Variants in PTPRD observed in about 807,000 individuals in gnomAD.
PTPRD encodes the protein receptor-type tyrosine-protein phosphatase delta.
PTPRD carries 34 observed loss-of-function variants against 214.5 expected under a neutral mutation model. That is an observed-to-expected ratio of 0.16 (90% CI 0.12 to 0.21). The LOEUF is 0.21. Ranked by LOEUF, PTPRD falls within the 10% of genes least tolerant of loss-of-function variation. The pLI is 1.00. For synonymous variants in PTPRD, 1,128 were observed against 845.7 expected, an observed-to-expected ratio of 1.33 and a Z score of -5.79; for missense variants, 2,545 against 2,398.7, an observed-to-expected ratio of 1.06 and a Z score of -1.27.
At chr9:8,964,021 G>A (rs1382250240) in intron 11 of PTPRD, among the ~76,000 whole-genome samples, 1 of 151,718 alleles carries the variant, frequency 6.6e-6, no homozygotes. Flanking sequence ...CTTTTTTGTT[G>A]TTTCTTTGCC....
At chr9:8,511,625 A>G (rs562700175) in intron 21 of PTPRD, among the ~76,000 whole-genome samples, 34 of 152,298 alleles carry the variant, frequency 2.2e-4, no homozygotes, top group East Asian at 7.7e-4. Context: ...TTAAGCAGTT[A>G]CTTCATATTC....
intron 7 of PTPRD, among the ~76,000 whole-genome samples, chr9:9,613,669 T>A (rs1027374068): frequency 2.0e-5 from 3 of 152,186 alleles, no homozygotes; most frequent in African/African-American, 7.2e-5. Flanking sequence ...ATTTTTCTCT[T>A]ACTCATTTCT....
At position 10,523,601 on chromosome 9, in the gene PTPRD, G is replaced by GTATATA. The variant is rs201455705; in HGVS notation, c.-600+88791_-600+88796dup. Among the ~76,000 whole-genome samples the GTATATA allele has an allele frequency of 6.1e-3, 391 of 64,346 alleles. 37 individuals carry two copies. The highest frequency in any genetic ancestry group is 6.5e-3 in the African/African-American group (127 of 19,650). 42.2% of individuals were successfully genotyped at this position (64,346 alleles called of 152,430 possible). The stretch of plus-strand genomic sequence containing the variant: ...CAATATTTTTCAAGTATATTTATCT[G>GTATATA]TATATATATATATATATATATAGAC... On this transcript the variant is annotated intron_variant, in intron 2 of 45. Transcript: ENST00000381196.
At chr9:10,523,124 A>G (rs2052924515) in intron 2 of PTPRD, among the ~76,000 whole-genome samples, 1 of 152,102 alleles carries the variant, frequency 6.6e-6, no homozygotes, top group African/African-American at 2.4e-5. Context: ...TTGAAAAATA[A>G]AATCAGAGTG....
At chr9:9,762,515 G>A (rs913210191) in intron 6 of PTPRD, among the ~76,000 whole-genome samples, 2 of 152,030 alleles carry the variant, frequency 1.3e-5, no homozygotes, top group African/African-American at 4.8e-5. Context: ...CAATCAAGAG[G>A]GACTAAGCCA....
intron 3 of PTPRD, among the ~76,000 whole-genome samples, chr9:10,126,864 C>A (rs144087826): frequency 9.2e-5 from 14 of 151,512 alleles, no homozygotes; most frequent in Non-Finnish European, 1.8e-4. Flanking sequence ...TTTCTCCTGG[C>A]AGTCTAGAAT....
intron 3 of PTPRD, among the ~76,000 whole-genome samples, chr9:10,258,818 C>G (rs1305960347): frequency 6.6e-6 from 1 of 152,110 alleles, no homozygotes; most frequent in Non-Finnish European, 1.5e-5. Flanking sequence ...GTAGGGGAAA[C>G]AACTGAATAC....
At position 10,557,793 on chromosome 9, in the gene PTPRD, T is replaced by C. The variant is rs139895273; in HGVS notation, c.-600+54605A>G. 1.6e-3 allele frequency among the ~76,000 whole-genome samples: 249 copies of C among 152,256 alleles called. 2 individuals carry two copies. Among genetic ancestry groups the C allele is most frequent in the African/African-American group, 5.7e-3 (235 of 41,556 alleles). On this transcript the variant is annotated intron_variant, in intron 2 of 45. Coordinates refer to ENST00000381196, the MANE Select transcript of PTPRD (RefSeq NM_002839.4). ...GGAGGTCATTTCCAAAGAGAAGGCA[T>C]ACAGTTTGCAGAAGAAGTGTTTCAG...
chr9:9,556,242 G>T (rs2081478779), intron 8 of PTPRD, among the ~76,000 whole-genome samples: 1 of 152,138 alleles, frequency 6.6e-6, no homozygotes, highest in Admixed American at 6.6e-5. Context: ...ACTGTTAAGT[G>T]AAAGTGGATC....
intron 9 of PTPRD, among the ~76,000 whole-genome samples, chr9:9,217,647 G>A (rs1262072890): frequency 6.6e-6 from 1 of 152,014 alleles, no homozygotes; most frequent in East Asian, 1.9e-4. Context: ...GGTTTCTAAG[G>A]GCCTGCCAGA....
intron 5 of PTPRD, among the ~76,000 whole-genome samples, chr9:9,767,643 T>C (rs2098717629): frequency 6.6e-6 from 1 of 152,090 alleles, no homozygotes; most frequent in Admixed American, 6.5e-5. Context: ...AAAATCACTT[T>C]GTTCATATGT....
chr9:10,467,109 T>C (rs2098999998), intron 2 of PTPRD, among the ~76,000 whole-genome samples: 1 of 152,206 alleles, frequency 6.6e-6, no homozygotes, highest in South Asian at 2.1e-4. Context: ...TGTTTTGAAG[T>C]GTGCTATGAC....
intron 2 of PTPRD, among the ~76,000 whole-genome samples, chr9:10,449,200 T>C (rs1056644658): frequency 1.4e-4 from 21 of 152,084 alleles, no homozygotes; most frequent in Admixed American, 6.5e-4. Flanking sequence ...CCGCCACGCC[T>C]GACTGGTTTT....
chr9:10,016,393 A>ATAGATACG (rs56040812), intron 4 of PTPRD, among the ~76,000 whole-genome samples: 1 of 149,902 alleles, frequency 6.7e-6, no homozygotes, highest in African/African-American at 2.5e-5. Flanking sequence ...AGATAGATAG[A>ATAGATACG]TAGACAGATA....
chr9:8,957,669 G>A (rs147829303), intron 11 of PTPRD, among the ~76,000 whole-genome samples: 73 of 151,954 alleles, frequency 4.8e-4, no homozygotes, highest in African/African-American at 1.7e-3. Context: ...CATCTCATCT[G>A]CAGCTGAAAG....
chr9:8,878,832 C>G (rs1464345203), intron 11 of PTPRD, among the ~76,000 whole-genome samples: 1 of 152,186 alleles, frequency 6.6e-6, no homozygotes, highest in Non-Finnish European at 1.5e-5. Context: ...CACACCCAGC[C>G]TCTGCTGATT....
chr9:8,787,403 T>C (rs1265879053), intron 11 of PTPRD, among the ~76,000 whole-genome samples: 1 of 152,206 alleles, frequency 6.6e-6, no homozygotes, highest in Non-Finnish European at 1.5e-5. Flanking sequence ...TTTCTGACGA[T>C]GACAATTTGT....
chr9:9,396,005 A>G (rs1388785963), intron 9 of PTPRD, among the ~76,000 whole-genome samples: 4 of 152,064 alleles, frequency 2.6e-5, no homozygotes, highest in Non-Finnish European at 5.9e-5. Context: ...CTCACAAATT[A>G]CTTGACTGAA....
At chr9:10,146,082 A>AT (rs1347676826) in intron 3 of PTPRD, among the ~76,000 whole-genome samples, 6 of 151,368 alleles carry the variant, frequency 4.0e-5, no homozygotes, top group African/African-American at 1.5e-4. Context: ...GTATCATTTC[A>AT]TTTTTTCCTT....
Sources: gnomAD v4.1 joint callset for allele counts (sites outside exome capture counted in the v4.1 genomes callset) on GRCh38, gnomAD v4.1.1 for gene constraint, MANE v1.5 for transcripts, NCBI Gene and HGNC (gene_info 2026-07-23, HGNC 2026-07-21) for gene names.